The following LHFPL5 variants were observed in gnomAD, a reference collection of about 807,000 sequenced individuals.
The protein encoded by LHFPL5 is LHFPL tetraspan subfamily member 5.
LHFPL5 carries 12 observed loss-of-function variants against 18.7 expected under a neutral mutation model. That is an observed-to-expected ratio of 0.64 (90% CI 0.41 to 1.04). The LOEUF (loss-of-function observed/expected upper bound fraction) is 1.04. Ranked by LOEUF, LHFPL5 falls within the 50% of genes least tolerant of loss-of-function variation. LHFPL5 has a pLI of 0.00. For synonymous variants in LHFPL5, 111 were observed against 120.2 expected, an observed-to-expected ratio of 0.92 and a Z score of 0.50; for missense variants, 259 against 292.1, an observed-to-expected ratio of 0.89 and a Z score of 0.83.
intron 3 of LHFPL5, 168 bp downstream of exon 3, chr6:35,819,631 T>C: frequency 1.5e-6 from 1 of 681,362 alleles, no homozygotes; most frequent in Non-Finnish European, 2.7e-6. Context: ...CTATTTGGCC[T>C]CTGAGACCCT....
chr6:35,819,681 TC>T, intron 3 of LHFPL5: 1 of 561,972 alleles, frequency 1.8e-6, no homozygotes, highest in South Asian at 2.1e-5. Context: ...TTTACCTGTG[TC>T]TTTTTTTTTT....
intron 2 of LHFPL5, among the ~76,000 whole-genome samples, chr6:35,818,162 T>C (rs1230671671): frequency 1.3e-5 from 2 of 151,820 alleles, no homozygotes; most frequent in Non-Finnish European, 2.9e-5. Context: ...ATATTCAAAA[T>C]AGACAAATCC....
chr6:35,821,857 ATTTTTTTTTTT>A (rs763639486), intron 3 of LHFPL5, among the ~76,000 whole-genome samples: 518 of 39,186 alleles, frequency 0.013, 7 homozygotes, highest in African/African-American at 0.024. Flanking sequence ...GTGTACCACA[ATTTTTTTTTTT>A]TTTTTTTTTT....
At chr6:35,818,320 C>CATATATATATATATATAT (rs112710434) in intron 2 of LHFPL5, among the ~76,000 whole-genome samples, 2 of 120,240 alleles carry the variant, frequency 1.7e-5, no homozygotes, top group African/African-American at 6.5e-5. Flanking sequence ...TACTAAAAGC[C>CATATATATATATATATAT]ATATATATAT....
intron 2 of LHFPL5, among the ~76,000 whole-genome samples, chr6:35,816,740 G>A (rs1256449071): frequency 2.7e-5 from 4 of 150,328 alleles, no homozygotes; most frequent in Non-Finnish European, 5.9e-5. Flanking sequence ...TAAACCCAGG[G>A]GGCAGAGCTT....
chr6:35,806,165 C>T, intron 1 of LHFPL5, 83 bp downstream of exon 1: 6 of 1,476,366 alleles, frequency 4.1e-6, no homozygotes, highest in Non-Finnish European at 5.6e-6. Context: ...TCTGCCAGGG[C>T]TCTGGGCCTT....
At chr6:35,807,636 C>T (rs575187774) in intron 1 of LHFPL5, among the ~76,000 whole-genome samples, 7 of 152,274 alleles carry the variant, frequency 4.6e-5, no homozygotes, top group African/African-American at 1.7e-4. Flanking sequence ...ACCAAACATG[C>T]AGATTCAAGA....
chr6:35,813,579 T>C (rs1177244287), intron 1 of LHFPL5, among the ~76,000 whole-genome samples: 1 of 151,916 alleles, frequency 6.6e-6, no homozygotes, highest in Non-Finnish European at 1.5e-5. Context: ...GTGTAGCAAC[T>C]GGACTATGCT....
rs1768823562 is a variant in LHFPL5, at chr6:35,819,407, T to A, written c.650-30T>A. The A allele has an allele frequency of 1.9e-6, 3 of 1,612,452 alleles. No homozygotes were observed. In the African/African-American group the frequency reaches 4.0e-5, roughly 22 times the overall value. ...TTATCCTAAAAACGAGACTTGGTAG[T>A]AACGTATACTGTTCTCTCCTTCATT... On this transcript the variant is annotated intron_variant, in intron 2 of 3. Transcript: ENST00000360215.
At position 35,805,775 on chromosome 6, in the gene LHFPL5, C is replaced by T. The variant is rs149616809; in HGVS notation, c.105C>T (p.Cys35=). The T allele has an allele frequency of 5.0e-6, 8 of 1,614,134 alleles. No homozygotes were observed. Among genetic ancestry groups the T allele is most frequent in the Non-Finnish European group, 6.8e-6 (8 of 1,180,050 alleles). ...VGVMWGTLTI[C]FSVLVMALFI... Reference sequence around the variant, plus strand: ...TGATGTGGGGTACCCTCACCATCTGCTTCTCCGTACTGGTCATGGCCCTCT... The same window carrying T: ...TGATGTGGGGTACCCTCACCATCTGTTTCTCCGTACTGGTCATGGCCCTCT... The change falls in exon 1 of 4, where the codon TGC becomes TGT. Residue 35 remains cysteine, a synonymous_variant. Transcript: ENST00000360215. This position sits in a 1 kb window ranked among gnomAD's most constrained non-coding sequence, Gnocchi z 4.3.
At chr6:35,818,730 A>G (rs1205803514) in intron 2 of LHFPL5, among the ~76,000 whole-genome samples, 1 of 150,486 alleles carries the variant, frequency 6.6e-6, no homozygotes, top group East Asian at 1.9e-4. Context: ...CAATGCCTGC[A>G]CATTGCAAGT....
chr6:35,811,596 G>C (rs899464965), intron 1 of LHFPL5, among the ~76,000 whole-genome samples: 3 of 152,202 alleles, frequency 2.0e-5, no homozygotes, highest in African/African-American at 4.8e-5. Context: ...CAGAGGCCCT[G>C]GGCTTTTTTC....
Position 35,806,063 on chromosome 6 carries a change from A to G in LHFPL5, c.393A>G (p.Ala131=). ...CGGCCACAGTCTATAAGATCTGTGC[A>G]TGGATGCAGCTGGCTGCGGGTAAGC... ...CNTATVYKIC[A]WMQLAAATGL... is the part of the protein sequence containing the mutation. The change falls in exon 1 of 4, where the codon GCA becomes GCG. Residue 131 remains alanine, a synonymous_variant. Coordinates refer to ENST00000360215, the MANE Select transcript of LHFPL5 (RefSeq NM_182548.4). 2.5e-6 allele frequency: 4 copies of G among 1,614,116 alleles called. No individual in the cohort carries two copies. The highest frequency in any genetic ancestry group is 3.4e-6 in the Non-Finnish European group (4 of 1,180,018).
chr6:35,807,306 T>C (rs1768587681), intron 1 of LHFPL5, among the ~76,000 whole-genome samples: 1 of 152,066 alleles, frequency 6.6e-6, no homozygotes, highest in Non-Finnish European at 1.5e-5. Context: ...AATAAAACTG[T>C]GGGGTAGGCA....
intron 1 of LHFPL5, among the ~76,000 whole-genome samples, chr6:35,811,981 C>A (rs899412801): frequency 6.6e-6 from 1 of 152,154 alleles, no homozygotes; most frequent in African/African-American, 2.4e-5. Flanking sequence ...AGAACTCAGG[C>A]CTTGGCCCTG....
At chr6:35,808,267 T>C (rs1768603866) in intron 1 of LHFPL5, among the ~76,000 whole-genome samples, 1 of 149,292 alleles carries the variant, frequency 6.7e-6, no homozygotes, top group South Asian at 2.1e-4. Context: ...AAGACCAGCC[T>C]GGACAACATA....
chr6:35,819,204 T>C (rs1293704750), intron 2 of LHFPL5, among the ~76,000 whole-genome samples: 1 of 152,166 alleles, frequency 6.6e-6, no homozygotes, highest in Non-Finnish European at 1.5e-5. Flanking sequence ...TAACAATGCC[T>C]TTAGGCACTG....
chr6:35,818,905 C>T (rs1768817952), intron 2 of LHFPL5, among the ~76,000 whole-genome samples: 6 of 152,084 alleles, frequency 3.9e-5, no homozygotes, highest in Admixed American at 3.9e-4. Flanking sequence ...GATCTGGGGT[C>T]ACTGCAACCT....
chr6:35,809,353 G>A (rs1214316350), intron 1 of LHFPL5, among the ~76,000 whole-genome samples: 1 of 152,134 alleles, frequency 6.6e-6, no homozygotes, highest in Non-Finnish European at 1.5e-5. Flanking sequence ...GGAGGTCTGA[G>A]ATCTGGGTGC....
Sources: allele counts gnomAD v4.1 joint callset (sites outside exome capture counted in the v4.1 genomes callset), GRCh38; gene constraint gnomAD v4.1.1; non-coding constraint Gnocchi (gnomAD v3.1); transcripts MANE v1.5; gene names NCBI Gene and HGNC (gene_info 2026-07-23, HGNC 2026-07-21).